The following AGAP1 variants were observed in gnomAD, a reference collection of about 807,000 sequenced individuals.
The protein encoded by AGAP1 is arf-GAP with GTPase, ANK repeat and PH domain-containing protein 1.
AGAP1 carries 29 observed loss-of-function variants against 105.3 expected under a neutral mutation model. The ratio of observed to expected loss-of-function variants is 0.28; its 90% CI spans 0.21 to 0.38. AGAP1 has a LOEUF of 0.38. AGAP1 is among the 10% of genes least tolerant of loss of function. AGAP1 has a pLI of 1.00. For missense variants in AGAP1, 998 were observed against 1,165.1 expected, an observed-to-expected ratio of 0.86 and a Z score of 2.09; for synonymous variants, 509 against 485.9, an observed-to-expected ratio of 1.05 and a Z score of -0.63.
In AGAP1 at chr2:236,009,382, G is replaced by C. The variant is rs1246838895; in HGVS notation, c.1646-27179G>C. On this transcript the variant is annotated intron_variant, in intron 13 of 17. Transcript: ENST00000304032. The surrounding 1 kb of genome is among the most constrained non-coding windows in gnomAD (Gnocchi z 4.2). Reference sequence around the variant, plus strand: ...GCAGAATCCGCTCACACCTGCCGAGGTTCCTGGGGGATGATCTTTGTGTAA... The same window carrying C: ...GCAGAATCCGCTCACACCTGCCGAGCTTCCTGGGGGATGATCTTTGTGTAA... Among the ~76,000 whole-genome samples, 1 of 151,718 alleles carries C rather than the reference G, an allele frequency of 6.6e-6. No homozygotes were observed. The highest frequency in any genetic ancestry group is 1.9e-4 in the East Asian group (1 of 5,180).
chr2:235,795,919 A>G (rs759343145), intron 6 of AGAP1, among the ~76,000 whole-genome samples: 7 of 152,324 alleles, frequency 4.6e-5, no homozygotes, highest in Non-Finnish European at 1.0e-4. Context: ...TTGCATTTGA[A>G]GTTTCATACA....
chr2:235,751,668 A>G lies in AGAP1; in HGVS notation c.673+1180A>G, dbSNP rs1367665315. On this transcript the variant is annotated intron_variant, in intron 6 of 17. Coordinates refer to ENST00000304032, the MANE Select transcript of AGAP1 (RefSeq NM_001037131.3). This position sits in a 1 kb window ranked among gnomAD's most constrained non-coding sequence, Gnocchi z 5.3. ...AAGATGACATCAGTTCTCAAACTTC[A>G]CATTTTCTTTCCTGGAGCAGTGAGG... Among the ~76,000 whole-genome samples, 1 of 152,174 alleles carries G rather than the reference A, an allele frequency of 6.6e-6. No homozygotes were observed.
intron 12 of AGAP1, 147 bp from the exon 13 acceptor site, chr2:235,968,315 C>A: frequency 2.7e-6 from 3 of 1,108,084 alleles, no homozygotes; most frequent in Non-Finnish European, 2.5e-6. Flanking sequence ...TCTAGGCCTC[C>A]AACTCAGCAA....
At chr2:235,694,433 C>T (rs570103991) in intron 1 of AGAP1, among the ~76,000 whole-genome samples, 5 of 148,656 alleles carry the variant, frequency 3.4e-5, no homozygotes, top group East Asian at 4.0e-4. Context: ...TAGCCGAGAT[C>T]GCACCACTGC....
At chr2:235,955,349 C>G (rs1055699993) in intron 12 of AGAP1, among the ~76,000 whole-genome samples, 8 of 152,142 alleles carry the variant, frequency 5.3e-5, no homozygotes, top group African/African-American at 1.7e-4. Flanking sequence ...CATGTCGGCT[C>G]CAGCGACACA....
intron 16 of AGAP1, among the ~76,000 whole-genome samples, chr2:236,106,622 G>A (rs893023562): frequency 1.3e-5 from 2 of 152,342 alleles, no homozygotes; most frequent in Non-Finnish European, 1.5e-5. Flanking sequence ...TTTCATTCTG[G>A]GCTCCCATGA....
Position 236,036,198 on chromosome 2 carries a change from G to A in AGAP1, c.1646-363G>A, listed in dbSNP as rs1172527655. ...ATTAACCCTGCAGCCGGAGATTAGC[G>A]GCCCTAACTTAATTTTCGTCCCACA... On this transcript the variant is annotated intron_variant, in intron 13 of 17. Transcript: ENST00000304032. This position sits in a 1 kb window ranked among gnomAD's most constrained non-coding sequence, Gnocchi z 5.7. Among the ~76,000 whole-genome samples the A allele has an allele frequency of 1.3e-5, 2 of 152,128 alleles. No homozygotes were observed. Among genetic ancestry groups the A allele is most frequent in the South Asian group, 2.1e-4 (1 of 4,834 alleles).
chr2:235,685,303 G>A (rs1949321772), intron 1 of AGAP1, among the ~76,000 whole-genome samples: 2 of 151,844 alleles, frequency 1.3e-5, no homozygotes, highest in South Asian at 4.2e-4. Flanking sequence ...CAGACTCTTG[G>A]CAGTGCAGGC....
At position 235,879,968 on chromosome 2, in the gene AGAP1, G is replaced by A. The variant is rs565193989; in HGVS notation, c.1051-3377G>A. Among the ~76,000 whole-genome samples the A allele has an allele frequency of 2.0e-5, 3 of 151,464 alleles. No individual in the cohort carries two copies. The highest frequency in any genetic ancestry group is 6.6e-5 in the Admixed American group (1 of 15,206). On this transcript the variant is annotated intron_variant, in intron 9 of 17. Transcript: ENST00000304032. This position sits in a 1 kb window ranked among gnomAD's most constrained non-coding sequence, Gnocchi z 5.0. ...AAAAACAGAAATAAAAAAATTAGCCGAACAGGATGGCACACGCCTGTAGTC... is the reference window on the plus strand; with the variant it reads ...AAAAACAGAAATAAAAAAATTAGCCAAACAGGATGGCACACGCCTGTAGTC...
At chr2:235,649,744 C>T (rs1947519761) in intron 1 of AGAP1, among the ~76,000 whole-genome samples, 1 of 152,172 alleles carries the variant, frequency 6.6e-6, no homozygotes, top group Non-Finnish European at 1.5e-5. Context: ...CCCTGAGGAG[C>T]ACTACGCTGT....
In AGAP1 at chr2:235,535,262, G is replaced by A. The variant is rs574507477; in HGVS notation, c.163+40413G>A. 4.4e-4 allele frequency among the ~76,000 whole-genome samples: 67 copies of A among 152,200 alleles called. No individual in the cohort carries two copies. Among genetic ancestry groups the A allele is most frequent in the Non-Finnish European group, 7.9e-4 (54 of 68,016 alleles). ...CACAGTGCCCTCGCTGCTGCCTCCC[G>A]TTTCATCTGCACGTCTCTTTCAATG... On this transcript the variant is annotated intron_variant, in intron 1 of 17. Coordinates refer to ENST00000304032, the MANE Select transcript of AGAP1 (RefSeq NM_001037131.3). This position sits in a 1 kb window ranked among gnomAD's most constrained non-coding sequence, Gnocchi z 5.1.
intron 16 of AGAP1, among the ~76,000 whole-genome samples, chr2:236,068,515 C>T (rs1156778003): frequency 6.6e-6 from 1 of 151,848 alleles, no homozygotes. Context: ...TAACATTTAT[C>T]CTAGGCCGGG....
intron 1 of AGAP1, among the ~76,000 whole-genome samples, chr2:235,678,841 C>A (rs188455597): frequency 6.6e-6 from 1 of 152,120 alleles, no homozygotes; most frequent in South Asian, 2.1e-4. Flanking sequence ...GTCCCTGCTT[C>A]CCACTCCCGC....
intron 1 of AGAP1, among the ~76,000 whole-genome samples, chr2:235,693,529 A>G (rs535412002): frequency 1.3e-5 from 2 of 152,296 alleles, no homozygotes; most frequent in African/African-American, 4.8e-5. Flanking sequence ...GGTGCCCACC[A>G]CAGTCATGCG....
Position 235,934,105 on chromosome 2 carries a change from C to CCAGGAGCAG in AGAP1, c.1483+3186_1483+3194dup, listed in dbSNP as rs978344432. Among the ~76,000 whole-genome samples, 10 of 152,180 alleles carry CCAGGAGCAG rather than the reference C, an allele frequency of 6.6e-5. No homozygotes were observed. The highest frequency in any genetic ancestry group is 1.5e-4 in the Non-Finnish European group (10 of 68,038). ...CATCACTGCATGTCAAGGTGTGCCT[C>CCAGGAGCAG]CAGGAGCAGCAGCAGCAGCAGCCCC... On this transcript the variant is annotated intron_variant, in intron 12 of 17. Coordinates refer to ENST00000304032, the MANE Select transcript of AGAP1 (RefSeq NM_001037131.3). The surrounding 1 kb of genome is among the most constrained non-coding windows in gnomAD (Gnocchi z 4.9).
At chr2:235,670,011 TC>T (rs1216716569) in intron 1 of AGAP1, 3 of 321,896 alleles carry the variant, frequency 9.3e-6, no homozygotes, top group Admixed American at 1.0e-4. Context: ...TGGGCCACAC[TC>T]CCGGCCCGCC....
intron 1 of AGAP1, among the ~76,000 whole-genome samples, chr2:235,640,631 T>TAGA: frequency 6.6e-6 from 1 of 152,180 alleles, no homozygotes; most frequent in East Asian, 1.9e-4. Context: ...GGAAAAACCA[T>TAGA]GAATGGGGCT....
At chr2:236,041,324 T>C (rs1223463990) in intron 15 of AGAP1, among the ~76,000 whole-genome samples, 2 of 152,170 alleles carry the variant, frequency 1.3e-5, no homozygotes, top group Admixed American at 6.5e-5. Flanking sequence ...CTAGAGATTC[T>C]TGGGTATTGT....
intron 16 of AGAP1, among the ~76,000 whole-genome samples, chr2:236,091,659 C>T (rs973172516): frequency 6.6e-5 from 10 of 152,162 alleles, no homozygotes; most frequent in African/African-American, 2.4e-4. Context: ...TTAGTCCCAG[C>T]TACTCAGGAG....
Sources: gnomAD v4.1 joint callset for allele counts (sites outside exome capture counted in the v4.1 genomes callset) on GRCh38, gnomAD v4.1.1 for gene constraint, Gnocchi (gnomAD v3.1) non-coding constraint, MANE v1.5 for transcripts, NCBI Gene and HGNC (gene_info 2026-07-23, HGNC 2026-07-21) for gene names.